Variants in POU2F1 observed in about 807,000 individuals in gnomAD.
POU2F1 encodes the protein POU class 2 homeobox 1.
POU2F1 carries 16 observed loss-of-function variants against 84.9 expected under a neutral mutation model. The ratio of observed to expected loss-of-function variants is 0.19; its 90% CI spans 0.13 to 0.29. POU2F1 has a LOEUF of 0.29. Ranked by LOEUF, POU2F1 falls within the 10% of genes least tolerant of loss-of-function variation. The pLI, the probability that POU2F1 is intolerant of heterozygous loss-of-function variation, is 1.00. For synonymous variants in POU2F1, 368 were observed against 368.3 expected, an observed-to-expected ratio of 1.00 and a Z score of 0.01; for missense variants, 738 against 942.6, an observed-to-expected ratio of 0.78 and a Z score of 2.84.
intron 1 of POU2F1, among the ~76,000 whole-genome samples, chr1:167,231,494 A>G (rs1396342088): frequency 6.6e-6 from 1 of 152,208 alleles, no homozygotes; most frequent in African/African-American, 2.4e-5. Flanking sequence ...AAGCTTATCA[A>G]TAATTGTGGT....
In POU2F1 at chr1:167,309,714, T is replaced by C. The variant is rs533370190; in HGVS notation, c.62-22756T>C. Among the ~76,000 whole-genome samples, 4 of 152,316 alleles carry C rather than the reference T, an allele frequency of 2.6e-5. 1 individual carries two copies. The South Asian group carries it at 8.3e-4, about 32-fold the overall frequency. On this transcript the variant is annotated intron_variant, in intron 1 of 15. Coordinates refer to ENST00000367866, the MANE Select transcript of POU2F1 (RefSeq NM_002697.4). ...TAGTTCCATGTTGATGGAAATTCTT[T>C]GAGATTTTTAAAATTAAGCTTAATT...
intron 1 of POU2F1, among the ~76,000 whole-genome samples, chr1:167,305,413 T>A (rs1360486977): frequency 6.6e-6 from 1 of 152,150 alleles, no homozygotes; most frequent in Non-Finnish European, 1.5e-5. Flanking sequence ...TTGCCCAGGC[T>A]GGTCTTGAAC....
At chr1:167,404,481 C>T (rs541373970) in intron 13 of POU2F1, among the ~76,000 whole-genome samples, 3 of 152,156 alleles carry the variant, frequency 2.0e-5, no homozygotes, top group Admixed American at 2.0e-4. Context: ...GGCTTTCTGT[C>T]ATACTTTTCC....
chr1:167,387,338 C>T, intron 8 of POU2F1: 1 of 408,638 alleles, frequency 2.4e-6, no homozygotes, highest in South Asian at 1.8e-5. Context: ...TAAGACTCAC[C>T]TGTAACTGTC....
intron 1 of POU2F1, among the ~76,000 whole-genome samples, chr1:167,320,762 C>G (rs1480985324): frequency 6.6e-6 from 1 of 152,202 alleles, no homozygotes; most frequent in Non-Finnish European, 1.5e-5. Flanking sequence ...TTCTCTGGAT[C>G]TATTCTATTT....
chr1:167,273,587 C>T (rs1652525235), intron 1 of POU2F1, among the ~76,000 whole-genome samples: 1 of 152,256 alleles, frequency 6.6e-6, no homozygotes, highest in South Asian at 2.1e-4. Flanking sequence ...CCATCTGGAG[C>T]AGCAGCCTGA....
chr1:167,359,917 A>T, intron 2 of POU2F1, among the ~76,000 whole-genome samples: 1 of 135,902 alleles, frequency 7.4e-6, no homozygotes, highest in Non-Finnish European at 1.6e-5. Flanking sequence ...TGTTATTTTG[A>T]TTTGTATTTC....
chr1:167,289,421 CA>C (rs1653758378), intron 1 of POU2F1, among the ~76,000 whole-genome samples: 1 of 152,100 alleles, frequency 6.6e-6, no homozygotes, highest in South Asian at 2.1e-4. Context: ...GAAGTACATA[CA>C]GAAAATAAAA....
chr1:167,308,865 A>G (rs1655267404), intron 1 of POU2F1, among the ~76,000 whole-genome samples: 1 of 152,208 alleles, frequency 6.6e-6, no homozygotes, highest in South Asian at 2.1e-4. Flanking sequence ...GTTTTCAAAT[A>G]TTGATTTCCC....
chr1:167,278,707 G>A (rs910059138), intron 1 of POU2F1, among the ~76,000 whole-genome samples: 1 of 151,926 alleles, frequency 6.6e-6, no homozygotes, highest in African/African-American at 2.4e-5. Flanking sequence ...AAAAAGATAC[G>A]TTGACTTAGC....
chr1:167,379,490 G>A (rs1047843179), intron 7 of POU2F1: 2 of 152,208 alleles, frequency 1.3e-5, no homozygotes, highest in African/African-American at 4.8e-5. Context: ...AACTACGAGG[G>A]TTGATAGGGT....
intron 1 of POU2F1, among the ~76,000 whole-genome samples, chr1:167,258,146 C>A (rs549190765): frequency 6.6e-5 from 10 of 152,252 alleles, no homozygotes; most frequent in Non-Finnish European, 1.2e-4. Context: ...CTCATGCCCC[C>A]ACTTTAAACA....
At chr1:167,335,894 A>C (rs1657411985) in intron 2 of POU2F1, among the ~76,000 whole-genome samples, 1 of 152,258 alleles carries the variant, frequency 6.6e-6, no homozygotes, top group African/African-American at 2.4e-5. Flanking sequence ...TCATTGAATA[A>C]CATGGATTTG....
At chr1:167,347,782 T>C (rs1658297406) in intron 2 of POU2F1, among the ~76,000 whole-genome samples, 1 of 152,202 alleles carries the variant, frequency 6.6e-6, no homozygotes, top group African/African-American at 2.4e-5. Flanking sequence ...TGAAATCATA[T>C]GGTATGTGAC....
chr1:167,307,577 G>C (rs1207150057), intron 1 of POU2F1, among the ~76,000 whole-genome samples: 4 of 151,762 alleles, frequency 2.6e-5, no homozygotes, highest in Non-Finnish European at 4.4e-5. Context: ...AAAAATGAAA[G>C]AATAGTGCAA....
At chr1:167,319,975 T>A (rs759278272) in intron 1 of POU2F1, among the ~76,000 whole-genome samples, 1 of 152,220 alleles carries the variant, frequency 6.6e-6, no homozygotes, top group Non-Finnish European at 1.5e-5. Context: ...TGTAAAAGTG[T>A]CTGGCATTAG....
At chr1:167,350,413 G>A (rs1658477120) in intron 2 of POU2F1, among the ~76,000 whole-genome samples, 1 of 152,104 alleles carries the variant, frequency 6.6e-6, no homozygotes, top group Non-Finnish European at 1.5e-5. Context: ...ATTCTATTTT[G>A]TCGTCTGTGT....
At chr1:167,372,870 G>C (rs1162675065) in intron 5 of POU2F1, among the ~76,000 whole-genome samples, 2 of 152,038 alleles carry the variant, frequency 1.3e-5, no homozygotes, top group East Asian at 3.8e-4. Flanking sequence ...CAATGGTAAG[G>C]AATAGTTTTT....
intron 1 of POU2F1, among the ~76,000 whole-genome samples, chr1:167,292,048 T>G (rs1653960944): frequency 6.6e-6 from 1 of 152,078 alleles, no homozygotes; most frequent in Admixed American, 6.5e-5. Context: ...TGTGTGTGTC[T>G]GTGTACACAA....
Sources: allele counts gnomAD v4.1 joint callset (sites outside exome capture counted in the v4.1 genomes callset), GRCh38; gene constraint gnomAD v4.1.1; transcripts MANE v1.5; gene names NCBI Gene and HGNC (gene_info 2026-07-23, HGNC 2026-07-21).